Variants in CARD14 observed in about 807,000 individuals in gnomAD.
CARD14 encodes the protein caspase recruitment domain family member 14, also known as caspase recruitment domain-containing protein 14.
CARD14 carries 107 observed loss-of-function variants against 111.5 expected under a neutral mutation model. The ratio of observed to expected loss-of-function variants is 0.96; its 90% CI spans 0.82 to 1.13. The LOEUF is 1.13. Among genes scored for constraint, CARD14 ranks in the 50% most tolerant of loss-of-function variants. The pLI is 0.00. For synonymous variants in CARD14, 617 were observed against 579.6 expected (o/e 1.06, Z -0.93); for missense variants, 1,322 against 1,362.3 (o/e 0.97, Z 0.47).
intron 1 of CARD14, among the ~76,000 whole-genome samples, chr17:80,170,780 G>GTCCCC (rs2039877044): frequency 6.1e-5 from 1 of 16,396 alleles, no homozygotes; most frequent in East Asian, 2.0e-3. Context: ...CTCCCCTCCC[G>GTCCCC]TCCCCTCCCC....
intron 18 of CARD14, 38 bp downstream of exon 18, chr17:80,202,458 G>C (rs1423578332): frequency 3.1e-6 from 5 of 1,594,504 alleles, no homozygotes; most frequent in African/African-American, 2.7e-5. Context: ...TCCCCAGAGA[G>C]GCCCACAGGG....
At position 80,201,884 on chromosome 17, in the gene CARD14, T is replaced by A; in HGVS notation, c.1978+14T>A. On this transcript the variant is annotated intron_variant, in intron 17 of 23. Coordinates refer to ENST00000648509, the MANE Select transcript of CARD14 (RefSeq NM_001366385.1). This position sits in a 1 kb window ranked among gnomAD's most constrained non-coding sequence, Gnocchi z 5.0. ...TCAACACGGACGGTACACATACCAC[T>A]CCTCTCGTGTGCACAGCTGCCTGGC... The A allele has an allele frequency of 6.2e-7, 1 of 1,601,578 alleles. No individual in the cohort carries two copies. Among genetic ancestry groups the A allele is most frequent in the Non-Finnish European group, 8.5e-7 (1 of 1,172,424 alleles).
chr17:80,188,459 C>T lies in CARD14; in HGVS notation c.758C>T (p.Thr253Ile), dbSNP rs780324929. The part of the protein sequence containing the change: ...ELELQEQSLR[T>I]ASDQESGDEE... ...GAATTGCAAGAGCAGTCCCTGAGGACAGCCAGCGACCAGGAGTCCGGGGAT... is the reference window on the plus strand; with the variant it reads ...GAATTGCAAGAGCAGTCCCTGAGGATAGCCAGCGACCAGGAGTCCGGGGAT... The change falls in exon 8 of 24, where the codon ACA becomes ATA. Residue 253 changes from threonine to isoleucine, a missense_variant. Coordinates refer to ENST00000648509, the MANE Select transcript of CARD14 (RefSeq NM_001366385.1). The surrounding 1 kb of genome is among the most constrained non-coding windows in gnomAD (Gnocchi z 4.5). The T allele has an allele frequency of 5.0e-6, 8 of 1,603,092 alleles. No homozygotes were observed. The East Asian group carries it at 1.1e-4, about 23-fold the overall frequency.
intron 19 of CARD14, 67 bp from the exon 20 acceptor site, chr17:80,204,160 C>T (rs2041145122): frequency 3.4e-6 from 5 of 1,470,126 alleles, no homozygotes; most frequent in African/African-American, 2.8e-5. Context: ...AATCATCTCC[C>T]CTGAATTCCC....
chr17:80,172,018 C>T (rs1246729488), intron 1 of CARD14, among the ~76,000 whole-genome samples: 1 of 152,258 alleles, frequency 6.6e-6, no homozygotes, highest in East Asian at 1.9e-4. Flanking sequence ...CCGCAGAGAC[C>T]TGGCTGTCCA....
chr17:80,204,363 C>T (rs2041159555), intron 20 of CARD14, 22 bp downstream of exon 20: 2 of 1,531,708 alleles, frequency 1.3e-6, no homozygotes, highest in African/African-American at 2.7e-5. Context: ...TGAGCTGGCA[C>T]AGGGGCCACT....
At position 80,208,912 on chromosome 17, in the gene CARD14, C is replaced by T. The variant is rs1042341004; in HGVS notation, c.*567C>T. ...TGAGGCTGCGATGCCTCAGGAACTCCAGTTTACAGAGACCAGTGTGTTTAC... is the reference window on the plus strand; with the variant it reads ...TGAGGCTGCGATGCCTCAGGAACTCTAGTTTACAGAGACCAGTGTGTTTAC... On this transcript the variant is annotated 3_prime_UTR_variant, in exon 24 of 24. Transcript: ENST00000648509. 1 of 152,322 alleles carries T rather than the reference C, an allele frequency of 6.6e-6. No homozygotes were observed. The highest frequency in any genetic ancestry group is 1.5e-5 in the Non-Finnish European group (1 of 68,098). The allele number at this position is 152,322 out of a possible 1,614,324, so 9.4% of individuals were successfully genotyped here.
At position 80,203,881 on chromosome 17, in the gene CARD14, G is replaced by A. The variant is rs143600438; in HGVS notation, c.2279G>A (p.Arg760His). 53 of 1,594,324 alleles carry A rather than the reference G, an allele frequency of 3.3e-5. No individual in the cohort carries two copies. The highest frequency in any genetic ancestry group is 2.9e-4 in the African/African-American group (22 of 74,854). The part of the protein sequence containing the change: ...QDMTQQCTVT[R>H]KPSSGGPQKL... The stretch of plus-strand genomic sequence containing the variant: ...ATGACTCAGCAGTGCACCGTGACCC[G>A]CAAGGTGAGGCTCCAGGGAGGGGCC... Residue 760 changes from arginine to histidine, a missense_variant, in exon 19 of 24, where the codon CGC becomes CAC. Transcript: ENST00000648509. This position sits in a 1 kb window ranked among gnomAD's most constrained non-coding sequence, Gnocchi z 4.6.
rs200497350 is a variant in CARD14 at position 80,201,726 on chromosome 17, T to C, written c.1852-18T>C. ...GAGTCCCGGGGGAAAGAGACTGACC[T>C]TCTCGACTTGCCCTCAGGTTGATTA... On this transcript the variant is annotated intron_variant, in intron 16 of 23. Coordinates refer to ENST00000648509, the MANE Select transcript of CARD14 (RefSeq NM_001366385.1). The surrounding 1 kb of genome is among the most constrained non-coding windows in gnomAD (Gnocchi z 5.0). 1.4e-5 allele frequency: 22 copies of C among 1,613,748 alleles called. No homozygotes were observed. In the Admixed American group the frequency reaches 2.0e-4, roughly 15 times the overall value.
chr17:80,181,302 T>G, intron 4 of CARD14, 117 bp from the exon 5 acceptor site: 2 of 737,790 alleles, frequency 2.7e-6, no homozygotes, highest in Non-Finnish European at 4.4e-6. Flanking sequence ...GGGTTCTGAC[T>G]GGCAAAGAGT....
chr17:80,179,398 G>A (rs1598629346), intron 4 of CARD14, 97 bp downstream of exon 4: 2 of 152,336 alleles, frequency 1.3e-5, no homozygotes, highest in East Asian at 3.9e-4. Flanking sequence ...AGAAACCTCA[G>A]AAGCCGTACA....
intron 16 of CARD14, among the ~76,000 whole-genome samples, chr17:80,199,558 T>C (rs1401583918): frequency 3.5e-5 from 2 of 57,034 alleles, no homozygotes; most frequent in East Asian, 5.4e-4. Flanking sequence ...CAAAGCCTTG[T>C]CTCAAAAAAA....
chr17:80,204,974 A>AG (rs2041203723), intron 20 of CARD14, 61 bp from the exon 21 acceptor site: 1 of 1,398,848 alleles, frequency 7.1e-7, no homozygotes, highest in South Asian at 1.4e-5. Context: ...CTCCCGGGGC[A>AG]GGGTAGGCTG....
chr17:80,174,935 C>A (rs993736460), intron 2 of CARD14, among the ~76,000 whole-genome samples: 4 of 152,154 alleles, frequency 2.6e-5, no homozygotes, highest in African/African-American at 9.7e-5. Context: ...TGGCAGCACT[C>A]CTTTGGTTTC....
In CARD14 at chr17:80,179,146, CCT is replaced by C. The variant is rs2040093786; in HGVS notation, c.-172_-171del. 1 of 152,232 alleles carries C rather than the reference CCT, an allele frequency of 6.6e-6. No homozygotes were observed. The highest frequency in any genetic ancestry group is 6.5e-5 in the Admixed American group (1 of 15,286). 9.4% of individuals were successfully genotyped at this position (152,232 alleles called of 1,614,324 possible). A position where few individuals can be genotyped will look rare whatever the true frequency, so the allele number is the denominator to read the frequency against. The stretch of plus-strand genomic sequence containing the variant: ...GAGGCATCTGTCTCCAGTGGTCCAG[CCT>C]CTCCTTCCAAATGAAAAGAATCAAG... On this transcript the variant is annotated 5_prime_UTR_variant, in exon 4 of 24. Coordinates refer to ENST00000648509, the MANE Select transcript of CARD14 (RefSeq NM_001366385.1).
rs199571417 is a variant in CARD14, at chr17:80,192,615, C to G, written c.1352C>G (p.Thr451Arg). 17 of 1,610,720 alleles carry G rather than the reference C, an allele frequency of 1.1e-5. No individual in the cohort carries two copies. The highest frequency in any genetic ancestry group is 2.7e-5 in the African/African-American group (2 of 74,902). Reference sequence around the variant, plus strand: ...AGCGACTGCAGCCTCGTCAGCTCCACAGAGGTACGGCCGCTCCTCCCGCCT... The same window carrying G: ...AGCGACTGCAGCCTCGTCAGCTCCAGAGAGGTACGGCCGCTCCTCCCGCCT... ...DDSDCSLVSS[T>R]ESQLLSDLSA... is the part of the protein sequence containing the mutation. Residue 451 changes from threonine to arginine, a missense_variant, in exon 12 of 24, where the codon ACA (threonine) becomes AGA (arginine). Physicochemically the swap from Thr to Arg is moderately conservative, Grantham distance 71 (BLOSUM62 -1). Coordinates refer to ENST00000648509, the MANE Select transcript of CARD14 (RefSeq NM_001366385.1).
chr17:80,193,867 C>T (rs2040615296), intron 12 of CARD14, among the ~76,000 whole-genome samples: 2 of 152,146 alleles, frequency 1.3e-5, no homozygotes, highest in Admixed American at 1.3e-4. Flanking sequence ...CCCTCTGTGC[C>T]CCCATTCCCC....
chr17:80,188,070 G>T lies in CARD14; in HGVS notation c.676-307G>T. 2.8e-6 allele frequency: 2 copies of T among 705,216 alleles called. No individual in the cohort carries two copies. The highest frequency in any genetic ancestry group is 1.9e-5 in the African/African-American group (1 of 52,826). The allele number at this position is 705,216 out of a possible 1,614,324, so 43.7% of individuals were successfully genotyped here. ...GCTGGCCATCACTGCCGGCTGCTCA[G>T]CTGTAGAGATCCAGGAGTTGGTTAT... On this transcript the variant is annotated intron_variant, in intron 7 of 23. Coordinates refer to ENST00000648509, the MANE Select transcript of CARD14 (RefSeq NM_001366385.1). This position sits in a 1 kb window ranked among gnomAD's most constrained non-coding sequence, Gnocchi z 4.5.
rs150378107 is a variant in CARD14 at position 80,207,041 on chromosome 17, C to T, written c.2763C>T (p.Ile921=). ...TGCACAGGATGGACATCTTCCCCAT[C>T]GTCATCCACGTCTCTGTCAACGAGA... is the stretch of plus-strand genomic sequence containing the variant. ...CTLHRMDIFP[I]VIHVSVNEKM... Residue 921 remains isoleucine, a synonymous_variant, in exon 23 of 24, where the codon ATC becomes ATT. Coordinates refer to ENST00000648509, the MANE Select transcript of CARD14 (RefSeq NM_001366385.1). 1.0e-3 allele frequency: 1,665 copies of T among 1,614,002 alleles called. 13 individuals are homozygous for T. In the African/African-American group the frequency reaches 0.019, roughly 18 times the overall value.
Sources: gnomAD v4.1 joint callset for allele counts (sites outside exome capture counted in the v4.1 genomes callset) on GRCh38, gnomAD v4.1.1 for gene constraint, Gnocchi (gnomAD v3.1) non-coding constraint, MANE v1.5 for transcripts, NCBI Gene and HGNC (gene_info 2026-07-23, HGNC 2026-07-21) for gene names.